Variants in IGSF5 observed in about 807,000 individuals in gnomAD.
IGSF5 encodes immunoglobulin superfamily 5 like.
IGSF5 carries 41 observed loss-of-function variants against 39.4 expected under a neutral mutation model. That is an observed-to-expected ratio of 1.04 (90% CI 0.81 to 1.35). The LOEUF (loss-of-function observed/expected upper bound fraction) is 1.35. Ranked by LOEUF, IGSF5 falls within the 40% of genes most tolerant of loss-of-function variation. IGSF5 has a pLI of 0.00. For missense variants in IGSF5, 487 were observed against 494.6 expected, an observed-to-expected ratio of 0.98 and a Z score of 0.15; for synonymous variants, 183 against 175.3, an observed-to-expected ratio of 1.04 and a Z score of -0.34.
chr21:39,765,475 A>C (rs2080081911), intron 2 of IGSF5, 60 bp from the exon 3 acceptor site: 1 of 1,489,726 alleles, frequency 6.7e-7, no homozygotes, highest in East Asian at 2.3e-5. Context: ...AGGTTACAGC[A>C]CACAGTTGAT....
intron 2 of IGSF5, among the ~76,000 whole-genome samples, chr21:39,747,101 G>C (rs867196642): frequency 3.9e-5 from 6 of 152,176 alleles, no homozygotes; most frequent in Non-Finnish European, 7.3e-5. Flanking sequence ...CTGTTTTCAC[G>C]CTGCTGAAGT....
At chr21:39,716,090 C>T in the IGSF5 span, among the ~76,000 whole-genome samples, 1 of 152,178 alleles carries the variant, frequency 6.6e-6, no homozygotes, top group Non-Finnish European at 1.5e-5. Context: ...AAGAGGGTGT[C>T]AGGAGGGTCG....
At chr21:39,752,856 T>A (rs868847835) in intron 2 of IGSF5, among the ~76,000 whole-genome samples, 1 of 152,230 alleles carries the variant, frequency 6.6e-6, no homozygotes, top group Non-Finnish European at 1.5e-5. Context: ...TTCTTTTTTT[T>A]TTCTTGCTGA....
intron 5 of IGSF5, among the ~76,000 whole-genome samples, chr21:39,782,017 T>C (rs1298154501): frequency 7.3e-6 from 1 of 136,996 alleles, no homozygotes; most frequent in Non-Finnish European, 1.5e-5. Flanking sequence ...CTGTGTGATA[T>C]GTTGTATGCA....
chr21:39,754,396 C>G (rs574966938), intron 2 of IGSF5, among the ~76,000 whole-genome samples: 106 of 152,302 alleles, frequency 7.0e-4, no homozygotes, highest in Admixed American at 1.2e-3. Context: ...CACTTGCCCC[C>G]TGTTGTTTGT....
Position 39,779,309 on chromosome 21 carries a change from A to C in IGSF5, c.934+4A>C. The stretch of plus-strand genomic sequence containing the variant: ...TTCTGCTGTAGAAGAAAAAGAGGTA[A>C]TTTTTTTGTTCATTTACATTTGTAC... On this transcript the variant is annotated splice_donor_region_variant and intron_variant, in intron 5 of 8. Transcript: ENST00000380588. 1 of 1,610,626 alleles carries C rather than the reference A, an allele frequency of 6.2e-7. No individual in the cohort carries two copies. The highest frequency in any genetic ancestry group is 2.2e-5 in the East Asian group (1 of 44,736).
At chr21:39,793,891 G>T (rs375080495) in intron 8 of IGSF5, among the ~76,000 whole-genome samples, 1 of 152,102 alleles carries the variant, frequency 6.6e-6, no homozygotes, top group East Asian at 1.9e-4. Context: ...GGACGTATCC[G>T]CCTGAGTTGG....
Position 39,779,125 on chromosome 21 carries a change from T to A in IGSF5, c.754T>A (p.Ser252Thr). 3 of 1,613,776 alleles carry A rather than the reference T, an allele frequency of 1.9e-6. No individual in the cohort carries two copies. The highest frequency in any genetic ancestry group is 2.5e-6 in the Non-Finnish European group (3 of 1,179,664). ...TGGTATTAATATTCCAGGTGTATTA[T>A]CAAGTTTACCGAGTTTAGGTTTTTC... ...GGGINIPGVL[S>T]SLPSLGFSLP... Residue 252 changes from serine to threonine, a missense_variant, in exon 5 of 9, where the codon TCA (serine) becomes ACA (threonine). Ser to Thr is a moderately conservative substitution (Grantham distance 58, BLOSUM62 1). Coordinates refer to ENST00000380588, the MANE Select transcript of IGSF5 (RefSeq NM_001080444.2).
At chr21:39,743,602 G>C (rs1022112995), upstream of IGSF5, among the ~76,000 whole-genome samples, 2 of 137,844 alleles carry the variant, frequency 1.5e-5, no homozygotes, top group Admixed American at 8.2e-5. Flanking sequence ...GGGCTGAAGA[G>C]GGGGTTCTTA....
the IGSF5 span, among the ~76,000 whole-genome samples, chr21:39,736,888 T>G: frequency 6.6e-6 from 1 of 152,182 alleles, no homozygotes; most frequent in South Asian, 2.1e-4. Context: ...TCACAACTCC[T>G]GGTGCCGACT....
At chr21:39,760,492 T>C (rs539644379) in intron 2 of IGSF5, among the ~76,000 whole-genome samples, 1 of 151,984 alleles carries the variant, frequency 6.6e-6, no homozygotes, top group Non-Finnish European at 1.5e-5. Flanking sequence ...ATGAGGTTGA[T>C]AAATTAAAGG....
At chr21:39,799,290 C>T (rs576980978) in intron 8 of IGSF5, among the ~76,000 whole-genome samples, 10 of 152,170 alleles carry the variant, frequency 6.6e-5, no homozygotes, top group African/African-American at 2.2e-4. Flanking sequence ...TTGCTGAACA[C>T]GGAGGTGCAC....
the IGSF5 span, among the ~76,000 whole-genome samples, chr21:39,725,409 A>G: frequency 6.6e-6 from 1 of 152,186 alleles, no homozygotes; most frequent in Non-Finnish European, 1.5e-5. Context: ...AGTCAAGCCC[A>G]TTTTTTCTTC....
intron 5 of IGSF5, among the ~76,000 whole-genome samples, chr21:39,785,190 C>G (rs538602545): frequency 3.5e-5 from 5 of 141,052 alleles, no homozygotes; most frequent in East Asian, 2.5e-4. Flanking sequence ...ATCTCTCCCC[C>G]CTCCCCCAAC....
chr21:39,776,167 A>T (rs970220106), intron 4 of IGSF5, among the ~76,000 whole-genome samples: 3 of 149,872 alleles, frequency 2.0e-5, no homozygotes, highest in African/African-American at 7.3e-5. Context: ...CTCCATACTA[A>T]ACAAAAATAT....
At chr21:39,776,373 A>C (rs2080140941) in intron 4 of IGSF5, among the ~76,000 whole-genome samples, 2 of 152,168 alleles carry the variant, frequency 1.3e-5, no homozygotes, top group Admixed American at 1.3e-4. Flanking sequence ...ACCCAGGCAT[A>C]AAACTTGGAA....
At chr21:39,774,965 T>G (rs540242963) in intron 4 of IGSF5, among the ~76,000 whole-genome samples, 7 of 152,170 alleles carry the variant, frequency 4.6e-5, no homozygotes, top group Non-Finnish European at 1.0e-4. Flanking sequence ...AGAGAAGTCC[T>G]CTCTCCCGGC....
chr21:39,785,460 C>G (rs1377488256), intron 5 of IGSF5, among the ~76,000 whole-genome samples: 7 of 152,110 alleles, frequency 4.6e-5, no homozygotes, highest in Non-Finnish European at 1.0e-4. Context: ...GTTACTGTAG[C>G]CTTGTAGTAT....
chr21:39,770,599 T>G (rs1021741446), intron 3 of IGSF5, among the ~76,000 whole-genome samples: 2 of 152,120 alleles, frequency 1.3e-5, no homozygotes, highest in African/African-American at 4.8e-5. Context: ...ATAACCCCCC[T>G]ATGGCATGCA....
Sources: gnomAD v4.1 joint callset for allele counts (sites outside exome capture counted in the v4.1 genomes callset) on GRCh38, gnomAD v4.1.1 for gene constraint, MANE v1.5 for transcripts, NCBI Gene and HGNC (gene_info 2026-07-23, HGNC 2026-07-21) for gene names.